The following USH2A variants were observed in gnomAD, a reference collection of about 807,000 sequenced individuals.
USH2A encodes the protein usherin.
A neutral mutation model predicts 538.9 loss-of-function variants in USH2A; 443 were observed. That is an observed-to-expected ratio of 0.82 (90% CI 0.76 to 0.89). The LOEUF is 0.89. Ranked by LOEUF, USH2A falls within the 40% of genes least tolerant of loss-of-function variation. The pLI, the probability that USH2A is intolerant of heterozygous loss-of-function variation, is 0.00. For synonymous variants in USH2A, 2,413 were observed against 2,273.5 expected (o/e 1.06, Z -1.75); for missense variants, 6,633 against 6,324.8 (o/e 1.05, Z -1.65).
chr1:216,341,281 C>A (rs1251182016), intron 4 of USH2A, among the ~76,000 whole-genome samples: 1 of 152,028 alleles, frequency 6.6e-6, no homozygotes, highest in Non-Finnish European at 1.5e-5. Flanking sequence ...AGGAATACAG[C>A]TAACAAGGGA....
At chr1:215,824,317 T>A (rs532162878) in intron 47 of USH2A, among the ~76,000 whole-genome samples, 1 of 152,124 alleles carries the variant, frequency 6.6e-6, no homozygotes, top group African/African-American at 2.4e-5. Flanking sequence ...TTCTTAGGTA[T>A]GTTTGCATAG....
At chr1:216,227,097 G>A (rs148882827) in intron 14 of USH2A, among the ~76,000 whole-genome samples, 358 of 152,164 alleles carry the variant, frequency 2.4e-3, no homozygotes, top group African/African-American at 8.3e-3. Context: ...CCCTCATTCT[G>A]TCTTTTCCTT....
At position 216,199,725 on chromosome 1, in the gene USH2A, G is replaced by C. The variant is rs768461447; in HGVS notation, c.3713C>G (p.Thr1238Arg). ...CLHSLPITVTTAQAPPQRLSP... is the reference protein window; with the variant it reads ...CLHSLPITVTRAQAPPQRLSP... ...TAGTCTTTGGGGAGGGGCCTGGGCT[G>C]TGGTCACTGTAATGGGCAAGCTGTG... The change falls in exon 17 of 72, where the codon ACA becomes AGA. Residue 1238 changes from threonine to arginine, a missense_variant. Coordinates refer to ENST00000307340, the MANE Select transcript of USH2A (RefSeq NM_206933.4). 6.2e-7 allele frequency: 1 copy of C among 1,614,104 alleles called. No individual in the cohort carries two copies. Among genetic ancestry groups the C allele is most frequent in the Non-Finnish European group, 8.5e-7 (1 of 1,179,998 alleles).
chr1:215,706,801 T>G (rs1165995260), intron 61 of USH2A, among the ~76,000 whole-genome samples: 1 of 152,248 alleles, frequency 6.6e-6, no homozygotes, highest in Admixed American at 6.5e-5. Context: ...ATTGAAAGCT[T>G]TGTTATGGAA....
chr1:215,834,646 A>G (rs955406927), intron 47 of USH2A, among the ~76,000 whole-genome samples: 1 of 152,106 alleles, frequency 6.6e-6, no homozygotes, highest in Non-Finnish European at 1.5e-5. Context: ...CTTTTTAAAC[A>G]TGGTACTCTG....
intron 11 of USH2A, among the ~76,000 whole-genome samples, chr1:216,251,313 G>A (rs546300832): frequency 1.7e-4 from 26 of 151,788 alleles, no homozygotes; most frequent in Admixed American, 1.1e-3. Context: ...GAAGTTAGTC[G>A]TATAAGAATA....
At chr1:215,748,027 G>A (rs1415759504) in intron 58 of USH2A, among the ~76,000 whole-genome samples, 5 of 151,922 alleles carry the variant, frequency 3.3e-5, no homozygotes, top group Non-Finnish European at 5.9e-5. Flanking sequence ...GAGTAGCTGG[G>A]ACTACAGGCG....
At chr1:216,033,319 T>C (rs538948690) in intron 32 of USH2A, among the ~76,000 whole-genome samples, 1 of 152,310 alleles carries the variant, frequency 6.6e-6, no homozygotes, top group Admixed American at 6.5e-5. Context: ...GCTTATAACA[T>C]CTAGGTTATT....
chr1:215,695,584 A>G (rs1658780175), intron 61 of USH2A, among the ~76,000 whole-genome samples: 1 of 152,208 alleles, frequency 6.6e-6, no homozygotes, highest in South Asian at 2.1e-4. Context: ...AGTTACAGGG[A>G]AAAGAAACTC....
At chr1:216,295,675 A>G (rs923476242) in intron 9 of USH2A, among the ~76,000 whole-genome samples, 1 of 151,934 alleles carries the variant, frequency 6.6e-6, no homozygotes. Flanking sequence ...GAAATACTTA[A>G]TGTGACTTCC....
intron 61 of USH2A, among the ~76,000 whole-genome samples, chr1:215,693,116 G>GTGTATATATATA (rs112153911): frequency 7.5e-6 from 1 of 133,516 alleles, no homozygotes; most frequent in South Asian, 3.0e-4. Context: ...GTGTGTATGT[G>GTGTATATATATA]TATATATATA....
chr1:216,242,660 A>G (rs2035961936), intron 13 of USH2A, among the ~76,000 whole-genome samples: 1 of 152,316 alleles, frequency 6.6e-6, no homozygotes, highest in Non-Finnish European at 1.5e-5. Flanking sequence ...TTGCAATAAA[A>G]TATCAATGTG....
In USH2A at chr1:215,888,976, T is replaced by A. The variant is rs1319051909; in HGVS notation, c.7673A>T (p.Lys2558Ile). 3 of 1,614,004 alleles carry A rather than the reference T, an allele frequency of 1.9e-6. No homozygotes were observed. Among genetic ancestry groups the A allele is most frequent in the Admixed American group, 1.7e-5 (1 of 60,006 alleles). The change falls in exon 41 of 72, where the codon AAA becomes ATA. Residue 2558 changes from lysine to isoleucine, a missense_variant. Physicochemically the swap from Lys to Ile is moderately radical, Grantham distance 102 (BLOSUM62 -3). Coordinates refer to ENST00000307340, the MANE Select transcript of USH2A (RefSeq NM_206933.4). ...ATAATGGGTAATAACCCCATTGGAT[T>A]TTCTAGGATGCTGCCAGGTGACCAA... ...MMLVTWQHPR[K>I]SNGVITHYNI...
intron 47 of USH2A, among the ~76,000 whole-genome samples, chr1:215,833,044 G>A (rs1012678414): frequency 6.6e-6 from 1 of 151,858 alleles, no homozygotes; most frequent in African/African-American, 2.4e-5. Context: ...ATAAAACACT[G>A]ATAAAATAAA....
intron 52 of USH2A, among the ~76,000 whole-genome samples, chr1:215,785,178 C>T (rs1030733237): frequency 1.6e-4 from 24 of 152,302 alleles, no homozygotes; most frequent in African/African-American, 5.5e-4. Flanking sequence ...AGAGCTGGAA[C>T]AAGTGTCCAA....
chr1:216,226,223 C>T (rs1419673381), intron 14 of USH2A, among the ~76,000 whole-genome samples: 3 of 152,158 alleles, frequency 2.0e-5, no homozygotes, highest in Non-Finnish European at 2.9e-5. Context: ...CCCCATGTTC[C>T]ATGTGGATAT....
chr1:215,900,228 A>G lies in USH2A; in HGVS notation c.7452-11T>C. The stretch of plus-strand genomic sequence containing the variant: ...GGATTGGAAAATAACCTGTATGGGA[A>G]ATAAATGTCAATTAGGAAGTTTTCG... On this transcript the variant is annotated splice_polypyrimidine_tract_variant and intron_variant, in intron 39 of 71. Transcript: ENST00000307340. 6.2e-7 allele frequency: 1 copy of G among 1,613,118 alleles called. No individual in the cohort carries two copies. Among genetic ancestry groups the G allele is most frequent in the Non-Finnish European group, 8.5e-7 (1 of 1,179,566 alleles).
At chr1:215,864,259 T>G (rs1335933203) in intron 44 of USH2A, among the ~76,000 whole-genome samples, 2 of 152,236 alleles carry the variant, frequency 1.3e-5, no homozygotes, top group African/African-American at 4.8e-5. Flanking sequence ...TGGGAACTGG[T>G]ACTTTCTATA....
chr1:216,142,889 C>T (rs779285730), intron 21 of USH2A, among the ~76,000 whole-genome samples: 6 of 152,096 alleles, frequency 3.9e-5, no homozygotes, highest in Admixed American at 6.5e-5. Context: ...TTTCCCCCCA[C>T]GTGTTTTAAA....
Sources: allele counts gnomAD v4.1 joint callset (sites outside exome capture counted in the v4.1 genomes callset), GRCh38; gene constraint gnomAD v4.1.1; transcripts MANE v1.5; gene names NCBI Gene and HGNC (gene_info 2026-07-23, HGNC 2026-07-21).